IKBKB: variants seen among roughly 807,000 people sequenced by gnomAD.
IKBKB encodes the protein inhibitor of nuclear factor kappa-B kinase subunit beta.
In IKBKB, 42 loss-of-function variants were observed where a neutral mutation model predicts 113.6. The ratio of observed to expected loss-of-function variants is 0.37; its 90% confidence interval spans 0.29 to 0.48. IKBKB has a LOEUF of 0.48. Ranked by LOEUF, IKBKB falls within the 20% of genes least tolerant of loss-of-function variation. The pLI is 0.99. For missense variants in IKBKB, 673 were observed against 939.7 expected (o/e 0.72, Z 3.71); for synonymous variants, 296 against 361.3 (o/e 0.82, Z 2.05).
intron 2 of IKBKB, among the ~76,000 whole-genome samples, chr8:42,278,996 GAAAAAA>G (rs982206833): frequency 6.8e-6 from 1 of 146,006 alleles, no homozygotes; most frequent in Non-Finnish European, 1.5e-5. Context: ...CTCTGTCTGA[GAAAAAA>G]AAAAAGAGAG....
At chr8:42,319,819 A>T in intron 15 of IKBKB, 173 bp downstream of exon 15, 1 of 592,476 alleles carries the variant, frequency 1.7e-6, no homozygotes, top group Non-Finnish European at 2.9e-6. Context: ...TAGCCAGTGA[A>T]GGGAGCCCCT....
chr8:42,321,477 T>G (rs1174476507), intron 16 of IKBKB: 1 of 158,584 alleles, frequency 6.3e-6, no homozygotes, highest in Non-Finnish European at 1.4e-5. Context: ...GATTCTGTAT[T>G]TTCTCTAATT....
intron 5 of IKBKB, among the ~76,000 whole-genome samples, chr8:42,302,040 C>G (rs961562590): frequency 1.4e-4 from 21 of 152,170 alleles, no homozygotes; most frequent in African/African-American, 4.6e-4. Context: ...TGTCATATAC[C>G]AAAACAGGTC....
At chr8:42,282,270 G>A (rs779715789) in intron 2 of IKBKB, among the ~76,000 whole-genome samples, 22 of 152,134 alleles carry the variant, frequency 1.4e-4, no homozygotes, top group Non-Finnish European at 2.6e-4. Flanking sequence ...CGCAGGTCTC[G>A]CTCTATTGCC....
intron 5 of IKBKB, 100 bp downstream of exon 5, chr8:42,293,612 G>C (rs1813109063): frequency 6.3e-7 from 1 of 1,598,994 alleles, no homozygotes; most frequent in Non-Finnish European, 8.5e-7. Flanking sequence ...TCAATCCTTT[G>C]GTCTCTGTGG....
chr8:42,271,527 G>C, intron 1 of IKBKB, 58 bp downstream of exon 1: 1 of 618,760 alleles, frequency 1.6e-6, no homozygotes, highest in Non-Finnish European at 2.7e-6. Flanking sequence ...CCGCCCCGCT[G>C]CCTGCAAGGC....
chr8:42,311,956 G>A (rs562613495), intron 8 of IKBKB, among the ~76,000 whole-genome samples: 17 of 152,176 alleles, frequency 1.1e-4, no homozygotes, highest in Admixed American at 6.5e-4. Context: ...GCGCGATCGC[G>A]GCTCACTGCA....
chr8:42,327,562 T>G (rs1821001525), intron 20 of IKBKB, among the ~76,000 whole-genome samples: 1 of 151,570 alleles, frequency 6.6e-6, no homozygotes, highest in African/African-American at 2.4e-5. Flanking sequence ...CTCAATCTCC[T>G]GACCTTGTGA....
At chr8:42,303,094 A>AAT (rs1408834068) in intron 5 of IKBKB, among the ~76,000 whole-genome samples, 29 of 127,404 alleles carry the variant, frequency 2.3e-4, no homozygotes, top group Non-Finnish European at 2.7e-4. Flanking sequence ...AGAGAGAATG[A>AAT]GAGAGAGAGA....
intron 8 of IKBKB, among the ~76,000 whole-genome samples, chr8:42,312,592 G>T (rs1585738596): frequency 6.6e-6 from 1 of 152,118 alleles, no homozygotes; most frequent in South Asian, 2.1e-4. Context: ...TATATTTTAG[G>T]ACAAGCCCAA....
intron 2 of IKBKB, among the ~76,000 whole-genome samples, chr8:42,276,721 T>C (rs918178046): frequency 1.3e-5 from 2 of 151,894 alleles, no homozygotes; most frequent in Non-Finnish European, 2.9e-5. Flanking sequence ...TGTTTTTTTT[T>C]TTTTGAGACA....
At chr8:42,305,009 G>A in intron 5 of IKBKB, among the ~76,000 whole-genome samples, 178 bp from the exon 6 acceptor site, 1 of 152,272 alleles carries the variant, frequency 6.6e-6, no homozygotes, top group Non-Finnish European at 1.5e-5. Flanking sequence ...AAGTAAGCCA[G>A]ATTCCTGTGG....
At chr8:42,310,738 A>G (rs1817550167) in intron 8 of IKBKB, among the ~76,000 whole-genome samples, 1 of 152,234 alleles carries the variant, frequency 6.6e-6, no homozygotes, top group African/African-American at 2.4e-5. Flanking sequence ...ATCACTATGA[A>G]CAGTTGTGTG....
In IKBKB at chr8:42,331,913, C is replaced by T. The variant is rs145467277; in HGVS notation, c.*934C>T. ...TTAAATGGATTCATTTTAAAAATAG[C>T]TCCTATATTTTGTAACATGTCTCAA... On this transcript the variant is annotated 3_prime_UTR_variant, in exon 22 of 22. Transcript: ENST00000520810. 2.4e-5 allele frequency: 4 copies of T among 167,964 alleles called. No individual in the cohort carries two copies. The East Asian group carries it at 6.6e-4, about 28-fold the overall frequency. The allele number at this position is 167,964 out of a possible 1,614,324, so 10.4% of individuals were successfully genotyped here. A position where few individuals can be genotyped will look rare whatever the true frequency, so the allele number is the denominator to read the frequency against.
At chr8:42,295,174 C>A (rs1427166686) in intron 5 of IKBKB, among the ~76,000 whole-genome samples, 1 of 121,618 alleles carries the variant, frequency 8.2e-6, no homozygotes, top group Non-Finnish European at 1.6e-5. Flanking sequence ...GCTGGTGTTG[C>A]AGTAGGCGAC....
intron 19 of IKBKB, among the ~76,000 whole-genome samples, chr8:42,323,727 T>C (rs1220358444): frequency 6.6e-6 from 1 of 151,976 alleles, no homozygotes; most frequent in South Asian, 2.1e-4. Context: ...GGGAGCGTGA[T>C]TGACACATCC....
rs758073170 is a variant in IKBKB, at chr8:42,319,319, A to G, written c.1414A>G (p.Met472Val). Residue 472 changes from methionine (M) to valine (V), a missense_variant, in exon 14 of 22, where the codon ATG becomes GTG. Coordinates refer to ENST00000520810, the MANE Select transcript of IKBKB (RefSeq NM_001556.3). ...CTGCCTCTCCAAAATGAAGAATTCCATGGCTTCCATGTCTCAGCAGCTCAA... is the reference window on the plus strand; with the variant it reads ...CTGCCTCTCCAAAATGAAGAATTCCGTGGCTTCCATGTCTCAGCAGCTCAA... ...NSCLSKMKNSMASMSQQLKAK... is the reference protein window; with the variant it reads ...NSCLSKMKNSVASMSQQLKAK... 5 of 1,614,114 alleles carry G rather than the reference A, an allele frequency of 3.1e-6. No individual in the cohort carries two copies. The highest frequency in any genetic ancestry group is 1.1e-5 in the South Asian group (1 of 91,076).
At chr8:42,330,137 G>C in intron 21 of IKBKB, 5 of 985,412 alleles carry the variant, frequency 5.1e-6, no homozygotes, top group Non-Finnish European at 6.0e-6. Flanking sequence ...CCATAACTGA[G>C]ATTAGCTACC....
Position 42,278,954 on chromosome 8 carries a change from A to G in IKBKB, c.105+6749A>G, listed in dbSNP as rs139824694. Among the ~76,000 whole-genome samples, 495 of 152,184 alleles carry G rather than the reference A, an allele frequency of 3.3e-3. 3 individuals carry two copies. Among genetic ancestry groups the G allele is most frequent in the African/African-American group, 0.011 (469 of 41,550 alleles). On this transcript the variant is annotated intron_variant, in intron 2 of 21. Coordinates refer to ENST00000520810, the MANE Select transcript of IKBKB (RefSeq NM_001556.3). The stretch of plus-strand genomic sequence containing the variant: ...GGTTGCAGTGAGTCGAGATCGTGCT[A>G]CTGCACTCCAGCCTGGGCAACAAGA...
Sources: gnomAD v4.1 joint callset for allele counts (sites outside exome capture counted in the v4.1 genomes callset) on GRCh38, gnomAD v4.1.1 for gene constraint, MANE v1.5 for transcripts, NCBI Gene and HGNC (gene_info 2026-07-23, HGNC 2026-07-21) for gene names.